Variants in SMIM10L3 observed in about 807,000 individuals in gnomAD.
The protein encoded by SMIM10L3 is salivary gland specific protein SAGSIN1.
chr7:6,334,886 A>G, the SMIM10L3 span, among the ~76,000 whole-genome samples: 33 of 151,956 alleles, frequency 2.2e-4, no homozygotes, highest in Non-Finnish European at 4.1e-4. Context: ...CTCCTGCCTC[A>G]GCCTCCTGAG....
At chr7:6,346,528 C>T in the SMIM10L3 span, among the ~76,000 whole-genome samples, 1,897 of 152,144 alleles carry the variant, frequency 0.012, 35 homozygotes, top group South Asian at 0.067. Context: ...CACCACTGCC[C>T]GGCCACCACG....
the SMIM10L3 span, among the ~76,000 whole-genome samples, chr7:6,341,098 C>A: frequency 7.0e-6 from 1 of 141,858 alleles, no homozygotes. Flanking sequence ...GAGCTGAGAT[C>A]GTGCCACTGC....
At chr7:6,340,422 A>G in the SMIM10L3 span, among the ~76,000 whole-genome samples, 1 of 152,124 alleles carries the variant, frequency 6.6e-6, no homozygotes, top group Non-Finnish European at 1.5e-5. Flanking sequence ...CAGCCCCAAC[A>G]TGGGTAAGTA....
At chr7:6,347,934 G>C in the SMIM10L3 span, among the ~76,000 whole-genome samples, 4 of 129,540 alleles carry the variant, frequency 3.1e-5, no homozygotes, top group African/African-American at 1.2e-4. Flanking sequence ...TATTGAGATG[G>C]AGTTTCCCTC....
At chr7:6,331,198 T>C in the SMIM10L3 span, 15 of 1,572,696 alleles carry the variant, frequency 9.5e-6, no homozygotes, top group Non-Finnish European at 1.3e-5. Flanking sequence ...CACGCCTTCG[T>C]CAGTCTGGGA....
chr7:6,345,828 G>T, the SMIM10L3 span, among the ~76,000 whole-genome samples: 1 of 151,936 alleles, frequency 6.6e-6, no homozygotes, highest in Admixed American at 6.6e-5. Flanking sequence ...GAGTGCAGTA[G>T]GGTGATCTTG....
At chr7:6,331,848 C>T in the SMIM10L3 span, among the ~76,000 whole-genome samples, 20 of 149,874 alleles carry the variant, frequency 1.3e-4, no homozygotes, top group Admixed American at 1.4e-3. Context: ...TCGAGCGATT[C>T]TCCTGCCTTA....
the SMIM10L3 span, among the ~76,000 whole-genome samples, chr7:6,343,221 A>G: frequency 6.6e-6 from 1 of 150,856 alleles, no homozygotes; most frequent in African/African-American, 2.4e-5. Flanking sequence ...TACTAAAAAT[A>G]CAATAATTAG....
At chr7:6,347,536 C>A in the SMIM10L3 span, among the ~76,000 whole-genome samples, 2 of 151,678 alleles carry the variant, frequency 1.3e-5, no homozygotes, top group East Asian at 1.9e-4. Context: ...AAAAGAGATA[C>A]CAATTTTTTA....
At chr7:6,339,735 T>C in the SMIM10L3 span, among the ~76,000 whole-genome samples, 2 of 152,084 alleles carry the variant, frequency 1.3e-5, no homozygotes, top group African/African-American at 4.8e-5. Context: ...CCTCCCAAAG[T>C]GCTGGGATTA....
At chr7:6,333,966 C>A in the SMIM10L3 span, among the ~76,000 whole-genome samples, 3 of 151,036 alleles carry the variant, frequency 2.0e-5, no homozygotes, top group Non-Finnish European at 2.9e-5. Flanking sequence ...CCTGCCTCAG[C>A]CTCCCAAGTA....
chr7:6,330,755 C>T, the SMIM10L3 span: 10 of 1,614,044 alleles, frequency 6.2e-6, no homozygotes, highest in African/African-American at 1.3e-5. Context: ...GCCCTGGGCC[C>T]TCCTCCCAGC....
At chr7:6,340,137 G>A in the SMIM10L3 span, among the ~76,000 whole-genome samples, 10 of 150,792 alleles carry the variant, frequency 6.6e-5, no homozygotes, top group South Asian at 2.1e-4. Flanking sequence ...CGCCCGCCTC[G>A]GCCTCCCAAA....
the SMIM10L3 span, among the ~76,000 whole-genome samples, chr7:6,332,889 A>C: frequency 6.6e-6 from 1 of 152,098 alleles, no homozygotes; most frequent in Non-Finnish European, 1.5e-5. Context: ...GGCCAGGCGC[A>C]GTGGCTCATG....
the SMIM10L3 span, among the ~76,000 whole-genome samples, chr7:6,334,063 G>A: frequency 2.0e-5 from 3 of 150,942 alleles, no homozygotes; most frequent in African/African-American, 7.3e-5. Flanking sequence ...AGCCAGGATG[G>A]AATCTATCTC....
the SMIM10L3 span, among the ~76,000 whole-genome samples, chr7:6,334,956 C>T: frequency 1.5e-4 from 22 of 148,772 alleles, no homozygotes; most frequent in Non-Finnish European, 2.5e-4. Flanking sequence ...TTAATAGAGA[C>T]GGGTTTCTTC....
chr7:6,342,465 G>C, the SMIM10L3 span, among the ~76,000 whole-genome samples: 1 of 151,298 alleles, frequency 6.6e-6, no homozygotes, highest in African/African-American at 2.4e-5. Context: ...CTTGAACCCA[G>C]AAGTCAGAAG....
chr7:6,346,856 A>C, the SMIM10L3 span, among the ~76,000 whole-genome samples: 1 of 152,162 alleles, frequency 6.6e-6, no homozygotes, highest in Non-Finnish European at 1.5e-5. Context: ...TACTGCTCAG[A>C]CTGGTTCATT....
chr7:6,348,173 G>C, the SMIM10L3 span, among the ~76,000 whole-genome samples: 1 of 148,352 alleles, frequency 6.7e-6, no homozygotes, highest in Admixed American at 6.8e-5. Context: ...GCCTCCCAAA[G>C]TGCATTACAG....
Sources: gnomAD v4.1 joint callset for allele counts (sites outside exome capture counted in the v4.1 genomes callset) on GRCh38, gnomAD v4.1.1 for gene constraint, MANE v1.5 for transcripts, NCBI Gene and HGNC (gene_info 2026-07-23, HGNC 2026-07-21) for gene names.